LRP5: variants seen among roughly 807,000 people sequenced by gnomAD.
LRP5 encodes LDL receptor related protein 5, also known as low-density lipoprotein receptor-related protein 5.
In LRP5, 62 loss-of-function variants were observed where a neutral mutation model predicts 154.1. The observed-to-expected ratio is 0.40, with a 90% CI of 0.33 to 0.50. LRP5 has a LOEUF of 0.50. LRP5 is among the 20% of genes least tolerant of loss of function. The pLI is 0.55. For missense variants in LRP5, 1,915 were observed against 2,336.7 expected (o/e 0.82, Z 3.72); for synonymous variants, 966 against 1,011.5 (o/e 0.96, Z 0.85).
chr11:68,372,247 G>A (rs1423211465), intron 5 of LRP5, among the ~76,000 whole-genome samples: 2 of 151,072 alleles, frequency 1.3e-5, no homozygotes, highest in African/African-American at 2.4e-5. Flanking sequence ...GTGTCAGGCA[G>A]ACCCGGGACC....
rs190784557 is a variant in LRP5 at position 68,334,703 on chromosome 11, C to T, written c.92-13144C>T. Among the ~76,000 whole-genome samples, 492 of 152,078 alleles carry T rather than the reference C, an allele frequency of 3.2e-3. 6 individuals carry two copies. Among genetic ancestry groups the T allele is most frequent in the African/African-American group, 0.011 (451 of 41,470 alleles). On this transcript the variant is annotated intron_variant, in intron 1 of 22. Transcript: ENST00000294304. ...CAGCGTGGCCAATGTGGCGAAACTC[C>T]GTCTCTACTAAAAATACAGAAATTA...
chr11:68,411,770 C>A lies in LRP5; in HGVS notation c.2503+150C>A, dbSNP rs1205985460. On this transcript the variant is annotated intron_variant, in intron 11 of 22. Transcript: ENST00000294304. ...CACCCACGACTGCCCAGCAGCCTCA[C>A]CCTCTGCTGTGGGAGTTGTCCCCGT... 3 of 825,706 alleles carry A rather than the reference C, an allele frequency of 3.6e-6. No homozygotes were observed. The African/African-American group carries it at 5.1e-5, about 14-fold the overall frequency. 51.1% of individuals were successfully genotyped at this position (825,706 alleles called of 1,614,324 possible). A position where few individuals can be genotyped will look rare whatever the true frequency, so the allele number is the denominator to read the frequency against.
chr11:68,402,720 G>C (rs187957011), intron 7 of LRP5, among the ~76,000 whole-genome samples: 21 of 152,306 alleles, frequency 1.4e-4, no homozygotes, highest in African/African-American at 4.6e-4. Context: ...GCCCATTGCT[G>C]CACCTGGGGC....
intron 2 of LRP5, among the ~76,000 whole-genome samples, chr11:68,349,481 C>A (rs1404785674): frequency 3.3e-5 from 5 of 152,200 alleles, no homozygotes. Flanking sequence ...TGCACCTTCT[C>A]CTGGCTTTCT....
At chr11:68,337,333 AG>A (rs1226293872) in intron 1 of LRP5, among the ~76,000 whole-genome samples, 1 of 152,140 alleles carries the variant, frequency 6.6e-6, no homozygotes, top group African/African-American at 2.4e-5. Context: ...GGAGGTGTGC[AG>A]GGTAGTAGCG....
intron 7 of LRP5, among the ~76,000 whole-genome samples, chr11:68,400,071 C>G (rs368733862): frequency 8.5e-5 from 13 of 152,100 alleles, no homozygotes; most frequent in African/African-American, 3.1e-4. Context: ...CTGTGGGAGG[C>G]TCTGCCCATC....
intron 2 of LRP5, 64 bp from the exon 3 acceptor site, chr11:68,357,586 T>G: frequency 4.3e-6 from 6 of 1,400,322 alleles, no homozygotes; most frequent in Non-Finnish European, 6.0e-6. Flanking sequence ...TGTCTGCATC[T>G]ATGCAGACAA....
intron 22 of LRP5, among the ~76,000 whole-genome samples, chr11:68,448,281 A>G (rs1207679597): frequency 6.6e-6 from 1 of 152,222 alleles, no homozygotes. Context: ...ATGGGAGTAC[A>G]ATTCAAGATG....
At chr11:68,408,375 C>T (rs1354752863) in intron 9 of LRP5, among the ~76,000 whole-genome samples, 2 of 151,716 alleles carry the variant, frequency 1.3e-5, no homozygotes, top group Non-Finnish European at 2.9e-5. Context: ...AGCCACCATG[C>T]CCAGCCTATT....
At chr11:68,434,694 A>C (rs2098673932) in intron 18 of LRP5, among the ~76,000 whole-genome samples, 2 of 152,054 alleles carry the variant, frequency 1.3e-5, no homozygotes, top group Admixed American at 1.3e-4. Context: ...TTTTCCTTTT[A>C]TGAAGGACCT....
chr11:68,348,364 G>T lies in LRP5; in HGVS notation c.488+121G>T, dbSNP rs1022054193. 35 of 1,341,144 alleles carry T rather than the reference G, an allele frequency of 2.6e-5. No individual in the cohort carries two copies. The South Asian group carries it at 3.3e-4, about 13-fold the overall frequency. 83.1% of individuals were successfully genotyped at this position (1,341,144 alleles called of 1,614,324 possible). ...AGGGTGTGACTCTGAAAATGAACCC[G>T]TGGGGGGGTTGGCTCAGGCCTGTAA... On this transcript the variant is annotated intron_variant, in intron 2 of 22. Transcript: ENST00000294304.
rs1262118530 is a variant in LRP5 at position 68,395,612 on chromosome 11, GC to G, written c.1584+5561del. 3.3e-5 allele frequency among the ~76,000 whole-genome samples: 5 copies of G among 152,224 alleles called. No individual in the cohort carries two copies. In the South Asian group the frequency reaches 8.3e-4, roughly 25 times the overall value. ...TCTAAGAGGGGGATACATTGCATAA[GC>G]GTTTTCAGACTACCTCATCATGGGT... is the stretch of plus-strand genomic sequence containing the variant. On this transcript the variant is annotated intron_variant, in intron 7 of 22. Coordinates refer to ENST00000294304, the MANE Select transcript of LRP5 (RefSeq NM_002335.4).
Position 68,426,233 on chromosome 11 carries a change from C to T in LRP5, c.3637+46C>T, listed in dbSNP as rs766566138. 7.7e-6 allele frequency: 12 copies of T among 1,553,364 alleles called. No individual in the cohort carries two copies. The African/African-American group carries it at 8.1e-5, about 11-fold the overall frequency. On this transcript the variant is annotated intron_variant, in intron 16 of 22. Coordinates refer to ENST00000294304, the MANE Select transcript of LRP5 (RefSeq NM_002335.4). Reference sequence around the variant, plus strand: ...GGGTGGGCAGGGTGGCCTCTAAACCCGACCCCTGGAGGAGGCTGGAGGCCA... The same window carrying T: ...GGGTGGGCAGGGTGGCCTCTAAACCTGACCCCTGGAGGAGGCTGGAGGCCA...
upstream of LRP5, among the ~76,000 whole-genome samples, chr11:68,311,759 A>G (rs2098588010): frequency 6.6e-6 from 1 of 152,248 alleles, no homozygotes; most frequent in Non-Finnish European, 1.5e-5. Flanking sequence ...AGGAGGAAAG[A>G]GTGCGCGGAG....
chr11:68,341,764 C>T (rs1469964900), intron 1 of LRP5, among the ~76,000 whole-genome samples: 1 of 151,964 alleles, frequency 6.6e-6, no homozygotes, highest in East Asian at 1.9e-4. Context: ...GCCCCCCGAC[C>T]CACTTCTCAT....
intron 5 of LRP5, among the ~76,000 whole-genome samples, chr11:68,385,837 C>T (rs1363544472): frequency 1.3e-5 from 2 of 151,986 alleles, no homozygotes; most frequent in Non-Finnish European, 2.9e-5. Flanking sequence ...GATGAAGTGG[C>T]GTCGAGCTGG....
chr11:68,386,259 A>C lies in LRP5; in HGVS notation c.1016-57A>C. ...CCCTTGCCCGGCCCACCCCAGGCCT[A>C]GACTTGTGCCTGCTGCAGGCCCTTG... On this transcript the variant is annotated intron_variant, in intron 5 of 22. Coordinates refer to ENST00000294304, the MANE Select transcript of LRP5 (RefSeq NM_002335.4). The surrounding 1 kb of genome is among the most constrained non-coding windows in gnomAD (Gnocchi z 7.9). The C allele has an allele frequency of 6.2e-7, 1 of 1,601,690 alleles. No homozygotes were observed. The highest frequency in any genetic ancestry group is 8.5e-7 in the Non-Finnish European group (1 of 1,178,216).
At chr11:68,318,887 C>T (rs1430929960) in intron 1 of LRP5, among the ~76,000 whole-genome samples, 3 of 152,154 alleles carry the variant, frequency 2.0e-5, no homozygotes, top group Non-Finnish European at 4.4e-5. Flanking sequence ...TTCTGAGGGC[C>T]TCAGTTTCCT....
chr11:68,429,766 G>C, intron 17 of LRP5, 66 bp downstream of exon 17: 1 of 1,604,966 alleles, frequency 6.2e-7, no homozygotes, highest in African/African-American at 1.3e-5. Flanking sequence ...CTGCTAGGCT[G>C]CTGCCTGGCA....
Sources: gnomAD v4.1 joint callset for allele counts (sites outside exome capture counted in the v4.1 genomes callset) on GRCh38, gnomAD v4.1.1 for gene constraint, Gnocchi (gnomAD v3.1) non-coding constraint, MANE v1.5 for transcripts, NCBI Gene and HGNC (gene_info 2026-07-23, HGNC 2026-07-21) for gene names.